Variants in EVC2 observed in about 807,000 individuals in gnomAD.
EVC2 encodes the protein EvC ciliary complex subunit 2, also known as limbin.
In EVC2, 148 loss-of-function variants were observed where a neutral mutation model predicts 149.3. The ratio of observed to expected loss-of-function variants is 0.99; its 90% CI spans 0.87 to 1.14. The LOEUF is 1.14. Ranked by LOEUF, EVC2 falls within the 50% of genes most tolerant of loss-of-function variation. The pLI is 0.00. For missense variants in EVC2, 1,854 were observed against 1,627.3 expected (o/e 1.14, Z -2.40); for synonymous variants, 776 against 649.9 (o/e 1.19, Z -2.95).
rs948424142 is a variant in EVC2, at chr4:5,613,424, C to T, written c.2829+1998G>A. 3.3e-5 allele frequency among the ~76,000 whole-genome samples: 5 copies of T among 152,176 alleles called. No individual in the cohort carries two copies. The highest frequency in any genetic ancestry group is 7.2e-5 in the African/African-American group (3 of 41,434). On this transcript the variant is annotated intron_variant, in intron 16 of 21. Transcript: ENST00000344408. The surrounding 1 kb of genome is among the most constrained non-coding windows in gnomAD (Gnocchi z 4.6). ...CTCTTACAGAGGATCACAAAGCAGC[C>T]GGTACTCAGGGAAATGCTCCCTCTA...
chr4:5,707,856 C>A (rs1346322683), intron 1 of EVC2, among the ~76,000 whole-genome samples: 7 of 152,072 alleles, frequency 4.6e-5, no homozygotes, highest in Admixed American at 3.3e-4. Flanking sequence ...CAAGAGCCCC[C>A]ACTTTTAAAA....
intron 9 of EVC2, among the ~76,000 whole-genome samples, chr4:5,656,156 TG>T (rs1181431794): frequency 1.3e-5 from 2 of 152,200 alleles, no homozygotes; most frequent in African/African-American, 4.8e-5. Context: ...CACCAGAGGA[TG>T]TCCTGGCCTT....
chr4:5,708,170 C>T (rs1453464878), intron 1 of EVC2, 116 bp downstream of exon 1: 3 of 932,672 alleles, frequency 3.2e-6, no homozygotes, highest in Non-Finnish European at 4.5e-6. Context: ...CTATTCAGAT[C>T]CTGCCCTCCC....
At position 5,568,498 on chromosome 4, in the gene EVC2, T is replaced by C. The variant is rs769359253; in HGVS notation, c.3503A>G (p.Asp1168Gly). The change falls in exon 20 of 22, where the codon GAC becomes GGC. Residue 1168 changes from aspartate (D) to glycine (G), a missense_variant. Transcript: ENST00000344408. ...TCCGCCATCGCTCTCAGCTGCGTGGTCCACATGTCTCTCGGTGGCCGAATC... is the reference window on the plus strand; with the variant it reads ...TCCGCCATCGCTCTCAGCTGCGTGGCCCACATGTCTCTCGGTGGCCGAATC... ...LLDSATERHVDHAAESDGGAE... is the reference protein window; with the variant it reads ...LLDSATERHVGHAAESDGGAE... The C allele has an allele frequency of 1.9e-6, 3 of 1,586,088 alleles. No homozygotes were observed. Among genetic ancestry groups the C allele is most frequent in the South Asian group, 1.2e-5 (1 of 86,774 alleles).
At position 5,569,163 on chromosome 4, in the gene EVC2, G is replaced by C. The variant is rs1275200387; in HGVS notation, c.3361-523C>G. Among the ~76,000 whole-genome samples, 1 of 152,206 alleles carries C rather than the reference G, an allele frequency of 6.6e-6. No individual in the cohort carries two copies. The highest frequency in any genetic ancestry group is 1.5e-5 in the Non-Finnish European group (1 of 68,050). On this transcript the variant is annotated intron_variant, in intron 19 of 21. Transcript: ENST00000344408. The surrounding 1 kb of genome is among the most constrained non-coding windows in gnomAD (Gnocchi z 4.8). The stretch of plus-strand genomic sequence containing the variant: ...CCAGTCTCCAAAGGTCACGTGCTGC[G>C]TGATTCCATGCATGTAACCACCTGG...
intron 3 of EVC2, among the ~76,000 whole-genome samples, chr4:5,692,189 T>A (rs1721163681): frequency 6.6e-6 from 1 of 152,224 alleles, no homozygotes; most frequent in South Asian, 2.1e-4. Context: ...GTATATTTTT[T>A]ATTTATTTTG....
chr4:5,707,751 C>T (rs1333399885), intron 1 of EVC2, among the ~76,000 whole-genome samples: 2 of 152,012 alleles, frequency 1.3e-5, no homozygotes, highest in Admixed American at 6.6e-5. Flanking sequence ...GGGATCCATG[C>T]CTTTCGAGTT....
intron 7 of EVC2, 80 bp from the exon 8 acceptor site, chr4:5,665,729 G>C: frequency 6.3e-7 from 1 of 1,576,424 alleles, no homozygotes; most frequent in Non-Finnish European, 8.6e-7. Flanking sequence ...TTGAGTGTCA[G>C]AGCAGACCAA....
Position 5,622,392 on chromosome 4 carries a change from A to T in EVC2, c.2501+145T>A. On this transcript the variant is annotated intron_variant, in intron 14 of 21. Coordinates refer to ENST00000344408, the MANE Select transcript of EVC2 (RefSeq NM_147127.5). The surrounding 1 kb of genome is among the most constrained non-coding windows in gnomAD (Gnocchi z 5.8). ...TCGAGGTCCTCCCCCCGGGGCGTTG[A>T]GTTTATATGACTAATTAACGCTGGT... The T allele has an allele frequency of 4.3e-6, 4 of 940,688 alleles. No homozygotes were observed. The highest frequency in any genetic ancestry group is 5.0e-6 in the Non-Finnish European group (3 of 603,850). 58.3% of individuals were successfully genotyped at this position (940,688 alleles called of 1,614,324 possible).
At chr4:5,534,228 T>C in the EVC2 span, among the ~76,000 whole-genome samples, 2 of 152,204 alleles carry the variant, frequency 1.3e-5, no homozygotes, top group African/African-American at 4.8e-5. Flanking sequence ...TGTATGAAGC[T>C]GTGAGAGAAT....
chr4:5,660,557 T>C (rs923171657), intron 9 of EVC2, among the ~76,000 whole-genome samples: 1 of 152,150 alleles, frequency 6.6e-6, no homozygotes, highest in African/African-American at 2.4e-5. Context: ...TTCCCAGATC[T>C]CCCATTTTCA....
chr4:5,583,488 G>T (rs1423914546), intron 17 of EVC2, among the ~76,000 whole-genome samples: 2 of 152,158 alleles, frequency 1.3e-5, no homozygotes, highest in African/African-American at 4.8e-5. Flanking sequence ...GGTGTCTTTT[G>T]TGTGGTTTGG....
chr4:5,593,933 T>C (rs1346151420), intron 16 of EVC2, among the ~76,000 whole-genome samples: 1 of 152,218 alleles, frequency 6.6e-6, no homozygotes, highest in South Asian at 2.1e-4. Flanking sequence ...CCACCTGGCT[T>C]GGAGGGTCCT....
intron 21 of EVC2, 137 bp from the exon 22 acceptor site, chr4:5,563,252 C>T (rs1679383599): frequency 1.2e-6 from 1 of 830,618 alleles, no homozygotes; most frequent in Non-Finnish European, 1.9e-6. Context: ...GTTATTTTCC[C>T]CCTTGGTCAC....
chr4:5,608,819 C>T (rs1714601776), intron 16 of EVC2, among the ~76,000 whole-genome samples: 1 of 152,140 alleles, frequency 6.6e-6, no homozygotes, highest in Non-Finnish European at 1.5e-5. Flanking sequence ...AGGCATGAGC[C>T]ACGGTGCCAG....
intron 19 of EVC2, among the ~76,000 whole-genome samples, chr4:5,568,851 C>T (rs1319113538): frequency 2.0e-5 from 3 of 152,180 alleles, no homozygotes; most frequent in African/African-American, 7.2e-5. Flanking sequence ...CTAAAGCCTC[C>T]ATCCATCCCG....
At chr4:5,698,675 C>T (rs1302857928) in intron 1 of EVC2, among the ~76,000 whole-genome samples, 1 of 152,220 alleles carries the variant, frequency 6.6e-6, no homozygotes, top group Non-Finnish European at 1.5e-5. Context: ...CAAGTAGTCC[C>T]TATAGAAATG....
chr4:5,615,648 A>C, intron 15 of EVC2, 104 bp from the exon 16 acceptor site: 2 of 1,522,570 alleles, frequency 1.3e-6, no homozygotes, highest in Non-Finnish European at 1.8e-6. Context: ...TGCAGCTCCC[A>C]GAACTGCAAA....
Position 5,576,544 on chromosome 4 carries a change from A to G in EVC2, c.3058-90T>C. 2 of 1,533,568 alleles carry G rather than the reference A, an allele frequency of 1.3e-6. No individual in the cohort carries two copies. The highest frequency in any genetic ancestry group is 1.7e-6 in the Non-Finnish European group (2 of 1,146,088). The allele number at this position is 1,533,568 out of a possible 1,614,324, so 95.0% of individuals were successfully genotyped here. On this transcript the variant is annotated intron_variant, in intron 17 of 21. Transcript: ENST00000344408. The surrounding 1 kb of genome is among the most constrained non-coding windows in gnomAD (Gnocchi z 4.5). ...CTGACCTCCTGGGTGTCTTGCTACA[A>G]GTCTGGCATGACTCTGTCTTGCCTG...
Sources: gnomAD v4.1 joint callset for allele counts (sites outside exome capture counted in the v4.1 genomes callset) on GRCh38, gnomAD v4.1.1 for gene constraint, Gnocchi (gnomAD v3.1) non-coding constraint, MANE v1.5 for transcripts, NCBI Gene and HGNC (gene_info 2026-07-23, HGNC 2026-07-21) for gene names.